Variants in RAB38 observed in about 807,000 individuals in gnomAD.
RAB38 encodes RAB38, member RAS oncogene family, also known as ras-related protein Rab-38.
RAB38 carries 15 observed loss-of-function variants against 18.4 expected under a neutral mutation model. That is an observed-to-expected ratio of 0.82 (90% CI 0.55 to 1.26). RAB38 has a LOEUF of 1.26. Ranked by LOEUF, RAB38 falls within the 50% of genes most tolerant of loss-of-function variation. The pLI is 0.00. For synonymous variants in RAB38, 101 were observed against 104.4 expected (o/e 0.97, Z 0.20); for missense variants, 294 against 267.4 (o/e 1.10, Z -0.69).
chr11:87,821,086 A>C, the RAB38 span, among the ~76,000 whole-genome samples: 1 of 152,228 alleles, frequency 6.6e-6, no homozygotes, highest in African/African-American at 2.4e-5. Context: ...GTTTAGGCTG[A>C]GAATTTTCCA....
intron 2 of RAB38, among the ~76,000 whole-genome samples, chr11:88,124,829 T>C (rs1942674413): frequency 6.6e-6 from 1 of 152,250 alleles, no homozygotes; most frequent in Admixed American, 6.5e-5. Context: ...TGAAATATCA[T>C]GTAACTAGAT....
chr11:88,007,967 A>G, the RAB38 span, among the ~76,000 whole-genome samples: 1 of 152,160 alleles, frequency 6.6e-6, no homozygotes, highest in Non-Finnish European at 1.5e-5. Context: ...CGTTGAGTAA[A>G]GAAGTCAGAC....
chr11:87,823,635 T>A, the RAB38 span, among the ~76,000 whole-genome samples: 1 of 152,182 alleles, frequency 6.6e-6, no homozygotes, highest in Admixed American at 6.5e-5. Flanking sequence ...TTTGACAAAG[T>A]TGCTAATGTC....
At chr11:87,845,441 A>G in the RAB38 span, among the ~76,000 whole-genome samples, 1 of 152,188 alleles carries the variant, frequency 6.6e-6, no homozygotes, top group Non-Finnish European at 1.5e-5. Flanking sequence ...TGAAAATGCA[A>G]CATCCAAAAC....
At chr11:88,018,440 C>G in the RAB38 span, among the ~76,000 whole-genome samples, 5 of 152,274 alleles carry the variant, frequency 3.3e-5, no homozygotes, top group South Asian at 1.0e-3. Context: ...CTTTATCCTT[C>G]CATCTCTCTT....
At chr11:88,004,237 C>G in the RAB38 span, among the ~76,000 whole-genome samples, 25 of 150,332 alleles carry the variant, frequency 1.7e-4, no homozygotes, top group Admixed American at 4.7e-4. Flanking sequence ...TTTAAAAAGT[C>G]TTTATTAAAA....
chr11:88,111,204 G>A (rs116385208), downstream of RAB38, among the ~76,000 whole-genome samples: 2,293 of 152,134 alleles, frequency 0.015, 54 homozygotes, highest in African/African-American at 0.053. Flanking sequence ...CTGACTTCTC[G>A]TCCTTATCAA....
At chr11:87,926,308 A>G in the RAB38 span, among the ~76,000 whole-genome samples, 2 of 151,996 alleles carry the variant, frequency 1.3e-5, no homozygotes, top group Admixed American at 1.3e-4. Flanking sequence ...TACCTTCCCT[A>G]AAATTAAAAA....
At chr11:87,942,174 T>C in the RAB38 span, among the ~76,000 whole-genome samples, 2 of 152,204 alleles carry the variant, frequency 1.3e-5, no homozygotes, top group Non-Finnish European at 2.9e-5. Context: ...AAAATCACAT[T>C]ATTGAATGCT....
At chr11:87,836,513 G>A in the RAB38 span, among the ~76,000 whole-genome samples, 7 of 152,080 alleles carry the variant, frequency 4.6e-5, no homozygotes, top group East Asian at 1.4e-3. Flanking sequence ...TACTATCTGA[G>A]CTCAGCATAC....
chr11:88,136,202 G>A (rs1247750994), intron 2 of RAB38, among the ~76,000 whole-genome samples: 1 of 152,192 alleles, frequency 6.6e-6, no homozygotes, highest in African/African-American at 2.4e-5. Flanking sequence ...CTACAGAGGA[G>A]CTGCTGCTGC....
rs1459962681 is a variant in RAB38 at position 88,113,898 on chromosome 11, T to C, written c.*90A>G. The stretch of plus-strand genomic sequence containing the variant: ...TTTGGCTTGCCACATGTGGTATCTC[T>C]ATCCTGACGTTTACCCAAAATGGTA... On this transcript the variant is annotated 3_prime_UTR_variant, in exon 3 of 3. Coordinates refer to ENST00000243662, the MANE Select transcript of RAB38 (RefSeq NM_022337.3). 11 of 1,497,536 alleles carry C rather than the reference T, an allele frequency of 7.3e-6. No individual in the cohort carries two copies. The highest frequency in any genetic ancestry group is 3.5e-5 in the Admixed American group (2 of 57,754). 92.8% of individuals were successfully genotyped at this position (1,497,536 alleles called of 1,614,324 possible).
chr11:87,925,497 C>T, the RAB38 span, among the ~76,000 whole-genome samples: 1 of 152,012 alleles, frequency 6.6e-6, no homozygotes, highest in African/African-American at 2.4e-5. Context: ...AGTTGTTTAT[C>T]TGCTCAATAT....
the RAB38 span, among the ~76,000 whole-genome samples, chr11:87,938,146 G>A: frequency 6.6e-6 from 1 of 151,916 alleles, no homozygotes; most frequent in African/African-American, 2.4e-5. Context: ...TTCCCCATTT[G>A]GCCTCTTTAA....
chr11:87,959,073 C>A, the RAB38 span, among the ~76,000 whole-genome samples: 1 of 152,048 alleles, frequency 6.6e-6, no homozygotes, highest in African/African-American at 2.4e-5. Context: ...CCATGTACAC[C>A]CCACCAATCA....
the RAB38 span, among the ~76,000 whole-genome samples, chr11:87,969,194 G>A: frequency 6.6e-6 from 1 of 151,930 alleles, no homozygotes; most frequent in Non-Finnish European, 1.5e-5. Context: ...TGATGTAAGG[G>A]CCTTTTCCAA....
At chr11:88,106,454 A>G in the RAB38 span, among the ~76,000 whole-genome samples, 3 of 152,282 alleles carry the variant, frequency 2.0e-5, no homozygotes, top group South Asian at 6.2e-4. Context: ...CAAAAAAAAC[A>G]CACTTTCATA....
the RAB38 span, among the ~76,000 whole-genome samples, chr11:87,876,401 C>T: frequency 6.6e-6 from 1 of 151,600 alleles, no homozygotes; most frequent in East Asian, 2.0e-4. Context: ...GGTCCAAAAG[C>T]TCTCTCTATC....
the RAB38 span, among the ~76,000 whole-genome samples, chr11:87,955,688 T>A: frequency 1.0e-3 from 153 of 148,868 alleles, no homozygotes; most frequent in African/African-American, 3.5e-3. Context: ...CAATCAATCT[T>A]TCTATCATCT....
Sources: gnomAD v4.1 joint callset for allele counts (sites outside exome capture counted in the v4.1 genomes callset) on GRCh38, gnomAD v4.1.1 for gene constraint, MANE v1.5 for transcripts, NCBI Gene and HGNC (gene_info 2026-07-23, HGNC 2026-07-21) for gene names.